The following BTBD2 variants were observed in gnomAD, a reference collection of about 807,000 sequenced individuals.
BTBD2 encodes the protein BTB/POZ domain-containing protein 2.
In BTBD2, 15 loss-of-function variants were observed where a neutral mutation model predicts 44.0. The observed-to-expected ratio is 0.34, with a 90% CI of 0.23 to 0.53. The LOEUF (loss-of-function observed/expected upper bound fraction) is 0.53. Ranked by LOEUF, BTBD2 falls within the 20% of genes least tolerant of loss-of-function variation. BTBD2 has a pLI of 0.95. For synonymous variants in BTBD2, 443 were observed against 335.9 expected (o/e 1.32, Z -3.49); for missense variants, 657 against 746.4 (o/e 0.88, Z 1.39).
At chr19:2,002,004 G>C (rs1003059719) in intron 1 of BTBD2, among the ~76,000 whole-genome samples, 3 of 152,194 alleles carry the variant, frequency 2.0e-5, no homozygotes, top group African/African-American at 7.2e-5. Context: ...GTCTCCCAAA[G>C]TGCTGGGATT....
chr19:2,001,382 C>T (rs1390180021), intron 1 of BTBD2, among the ~76,000 whole-genome samples: 1 of 152,110 alleles, frequency 6.6e-6, no homozygotes, highest in Admixed American at 6.6e-5. Context: ...ATCCCAGATA[C>T]TCAGGAGGCT....
At chr19:2,002,339 C>G (rs576741415) in intron 1 of BTBD2, among the ~76,000 whole-genome samples, 13 of 152,234 alleles carry the variant, frequency 8.5e-5, no homozygotes, top group Non-Finnish European at 1.0e-4. Flanking sequence ...GTTCAGCTGC[C>G]CAAAGCGCTG....
At chr19:1,987,748 G>A in intron 5 of BTBD2, 56 bp from the exon 6 acceptor site, 1 of 1,479,908 alleles carries the variant, frequency 6.8e-7, no homozygotes, top group Non-Finnish European at 9.1e-7. Flanking sequence ...GATCCCGAGT[G>A]CCTGGGAGGA....
intron 5 of BTBD2, chr19:1,989,674 A>T: frequency 2.7e-6 from 1 of 376,354 alleles, no homozygotes; most frequent in Non-Finnish European, 5.0e-6. Flanking sequence ...AGCCCTCCTG[A>T]GCTCGTCACA....
chr19:2,009,962 C>T (rs62129532), intron 1 of BTBD2, among the ~76,000 whole-genome samples: 84,063 of 152,006 alleles, frequency 0.55, 25,483 homozygotes, highest in African/African-American at 0.81. Flanking sequence ...GAGACTAGCC[C>T]GGCTAACATG....
chr19:1,994,771 A>C (rs1434902879), intron 2 of BTBD2, among the ~76,000 whole-genome samples: 1 of 152,174 alleles, frequency 6.6e-6, no homozygotes, highest in East Asian at 1.9e-4. Context: ...AAAATGAAAA[A>C]ATAAAAAAAT....
At chr19:2,004,749 CA>C (rs1232213793) in intron 1 of BTBD2, among the ~76,000 whole-genome samples, 4 of 151,266 alleles carry the variant, frequency 2.6e-5, no homozygotes, top group Non-Finnish European at 5.9e-5. Flanking sequence ...GAGGCCAAGG[CA>C]GGAGGATCAC....
chr19:2,001,215 G>A (rs944126396), intron 1 of BTBD2, among the ~76,000 whole-genome samples: 1 of 151,722 alleles, frequency 6.6e-6, no homozygotes, highest in Non-Finnish European at 1.5e-5. Context: ...AACCCAGGAG[G>A]CACCGGGCAC....
At chr19:2,003,146 G>A (rs551317149) in intron 1 of BTBD2, 1 of 152,126 alleles carries the variant, frequency 6.6e-6, no homozygotes, top group East Asian at 1.9e-4. Context: ...GCAAGACTCC[G>A]CCTTGCCTAC....
At position 1,986,453 on chromosome 19, in the gene BTBD2, C is replaced by T. The variant is rs2016082954; in HGVS notation, c.*35G>A. 6.2e-7 allele frequency: 1 copy of T among 1,607,622 alleles called. No individual in the cohort carries two copies. Among genetic ancestry groups the T allele is most frequent in the Non-Finnish European group, 8.5e-7 (1 of 1,175,194 alleles). On this transcript the variant is annotated 3_prime_UTR_variant, in exon 9 of 9. Coordinates refer to ENST00000255608, the MANE Select transcript of BTBD2 (RefSeq NM_017797.4). Reference sequence around the variant, plus strand: ...ATGATGGCCTGGGGCTGCGGCTATCCCCACGGAGGGAGGGCGGTGTCGGTG... The same window carrying T: ...ATGATGGCCTGGGGCTGCGGCTATCTCCACGGAGGGAGGGCGGTGTCGGTG...
intron 3 of BTBD2, 55 bp downstream of exon 3, chr19:1,992,965 G>GCCC: frequency 6.9e-6 from 3 of 433,292 alleles, no homozygotes; most frequent in Non-Finnish European, 7.1e-6. Context: ...CCCCACCCCG[G>GCCC]CCCCGCCTCC....
rs1379211219 is a variant in BTBD2 at position 2,015,644 on chromosome 19, C to G, written c.60G>C (p.Pro20=). Residue 20 remains proline, a synonymous_variant, in exon 1 of 9, where the codon CCG becomes CCC. Coordinates refer to ENST00000255608, the MANE Select transcript of BTBD2 (RefSeq NM_017797.4). ...ASCPPGVGVG[P]GTGGSPGPSA... is the part of the protein sequence containing the mutation. The stretch of plus-strand genomic sequence containing the variant: ...TGGGCCCGGGACTGCCCCCCGTGCC[C>G]GGGCCGACCCCGACCCCCGGCGGGC... The G allele has an allele frequency of 1.4e-5, 14 of 984,660 alleles. No individual in the cohort carries two copies. The highest frequency in any genetic ancestry group is 3.8e-5 in the African/African-American group (2 of 52,312). 61.0% of individuals were successfully genotyped at this position (984,660 alleles called of 1,614,324 possible).
chr19:2,013,498 G>A, intron 1 of BTBD2: 2 of 986,060 alleles, frequency 2.0e-6, no homozygotes, highest in South Asian at 4.7e-5. Flanking sequence ...CTGGTGGCAG[G>A]GGATCATAGG....
At chr19:1,999,059 G>A (rs568163360) in intron 1 of BTBD2, among the ~76,000 whole-genome samples, 43 of 152,212 alleles carry the variant, frequency 2.8e-4, no homozygotes, top group African/African-American at 9.6e-4. Flanking sequence ...AGGACTGGCT[G>A]GGCGACCTCC....
intron 1 of BTBD2, among the ~76,000 whole-genome samples, chr19:2,004,288 CTTTTT>C (rs60580646): frequency 7.5e-6 from 1 of 133,494 alleles, no homozygotes. Flanking sequence ...GCAAAACAAA[CTTTTT>C]TTTTTTTTTT....
At chr19:1,994,518 T>C (rs1243026436) in intron 2 of BTBD2, among the ~76,000 whole-genome samples, 1 of 151,920 alleles carries the variant, frequency 6.6e-6, no homozygotes, top group African/African-American at 2.4e-5. Flanking sequence ...CCCAGCACTT[T>C]GGGAGGCTGA....
intron 1 of BTBD2, among the ~76,000 whole-genome samples, chr19:2,012,483 C>T (rs1449043396): frequency 1.3e-5 from 2 of 152,342 alleles, no homozygotes; most frequent in East Asian, 1.9e-4. Flanking sequence ...TTCTGTTCTC[C>T]AGCCTGTTAT....
Position 1,987,236 on chromosome 19 carries a change from C to G in BTBD2, c.1199G>C (p.Arg400Pro). 2 of 1,613,774 alleles carry G rather than the reference C, an allele frequency of 1.2e-6. No homozygotes were observed. Among genetic ancestry groups the G allele is most frequent in the Non-Finnish European group, 1.7e-6 (2 of 1,179,846 alleles). Residue 400 changes from arginine to proline, a missense_variant, in exon 7 of 9, where the codon CGC becomes CCC. By Grantham distance (103) the Arg-to-Pro change is moderately radical (BLOSUM62 -2). Transcript: ENST00000255608. Reference protein sequence around the residue: ...SDRIRFSVNKRIFVVGFGLYG... With the variant: ...SDRIRFSVNKPIFVVGFGLYG... ...CAGCCCAAATCCCACCACGAAGATGCGCTTGTTGACTGAGAACCTGCCGTG... is the reference window on the plus strand; with the variant it reads ...CAGCCCAAATCCCACCACGAAGATGGGCTTGTTGACTGAGAACCTGCCGTG...
intron 1 of BTBD2, 104 bp downstream of exon 1, chr19:2,015,193 G>A (rs2016517944): frequency 7.2e-7 from 1 of 1,380,576 alleles, no homozygotes; most frequent in Admixed American, 2.9e-5. Flanking sequence ...GGGATGGAGG[G>A]GTGCGGGGGT....
Sources: gnomAD v4.1 joint callset for allele counts (sites outside exome capture counted in the v4.1 genomes callset) on GRCh38, gnomAD v4.1.1 for gene constraint, MANE v1.5 for transcripts, NCBI Gene and HGNC (gene_info 2026-07-23, HGNC 2026-07-21) for gene names.